ENOX2: variants seen among roughly 807,000 people sequenced by gnomAD.
The protein encoded by ENOX2 is APK1 antigen.
ENOX2 carries 36 observed loss-of-function variants against 45.0 expected under a neutral mutation model. The observed-to-expected ratio is 0.80, with a 90% confidence interval of 0.61 to 1.06. The LOEUF (loss-of-function observed/expected upper bound fraction) is 1.06, where lower values mean the gene tolerates loss of function less well. Among genes scored for constraint, ENOX2 ranks in the 50% least tolerant of loss-of-function variants. The pLI is 0.00. For missense variants in ENOX2, 423 were observed against 462.5 expected, an observed-to-expected ratio of 0.91 and a Z score of 0.78; for synonymous variants, 174 against 152.3, an observed-to-expected ratio of 1.14 and a Z score of -1.05.
intron 13 of ENOX2, among the ~76,000 whole-genome samples, chrX:130,629,928 G>A (rs748031587): frequency 1.5e-4 from 17 of 112,168 alleles, no homozygotes; most frequent in Non-Finnish European, 2.3e-4. Flanking sequence ...AGTGTAATAT[G>A]TTTTCTACTT....
At chrX:130,844,275 C>T (rs192289368) in intron 2 of ENOX2, among the ~76,000 whole-genome samples, 2 of 111,863 alleles carry the variant, frequency 1.8e-5, no homozygotes, top group Non-Finnish European at 3.8e-5. Context: ...TCCCTCCACC[C>T]GCTTCCCTAC....
At chrX:130,875,594 G>C (rs2078683396) in intron 2 of ENOX2, among the ~76,000 whole-genome samples, 1 of 111,710 alleles carries the variant, frequency 9.0e-6, no homozygotes, top group African/African-American at 3.2e-5. Context: ...TGGGACATTT[G>C]GATATCCAGG....
At position 130,823,958 on chromosome X, in the gene ENOX2, T is replaced by C. The variant is rs140388913; in HGVS notation, c.-182-40268A>G. On this transcript the variant is annotated intron_variant, in intron 2 of 14. Coordinates refer to ENST00000394363, the MANE Select transcript of ENOX2 (RefSeq NM_006375.4). ...AATTGGAAAAATTCTTAATGAACATTTGAAATCATTAGAATACATTTAACT... is the reference window on the plus strand; with the variant it reads ...AATTGGAAAAATTCTTAATGAACATCTGAAATCATTAGAATACATTTAACT... Among the ~76,000 whole-genome samples the C allele has an allele frequency of 1.2e-4, 13 of 112,226 alleles. No individual in the cohort carries two copies. In the East Asian group the frequency reaches 2.8e-3, roughly 24 times the overall value.
chrX:130,636,340 G>A (rs1484640667), intron 11 of ENOX2, among the ~76,000 whole-genome samples: 1 of 112,575 alleles, frequency 8.9e-6, no homozygotes, highest in Non-Finnish European at 1.9e-5. Context: ...GGTTCCTAGT[G>A]CCAGAATAGA....
At chrX:130,747,808 C>T (rs1033518495) in intron 3 of ENOX2, among the ~76,000 whole-genome samples, 1 of 112,413 alleles carries the variant, frequency 8.9e-6, no homozygotes, top group African/African-American at 3.2e-5. Context: ...TCTACCAAGT[C>T]CCCAGTTTGG....
chrX:130,679,847 T>C lies in ENOX2; in HGVS notation c.254-99A>G, dbSNP rs1356763685. The C allele has an allele frequency of 6.4e-6, 4 of 629,254 alleles. No individual in the cohort carries two copies. The Admixed American group carries it at 1.1e-4, about 17-fold the overall frequency. The allele number at this position is 629,254 out of a possible 1,213,427, so 51.9% of individuals were successfully genotyped here. A position where few individuals can be genotyped will look rare whatever the true frequency, so the allele number is the denominator to read the frequency against. On this transcript the variant is annotated intron_variant, in intron 5 of 14. Coordinates refer to ENST00000394363, the MANE Select transcript of ENOX2 (RefSeq NM_006375.4). ...CCCTGCTATCCCTGTCAAACTTTTG[T>C]CTAAGAGTGTCAGAAGGATGTGGCC...
intron 2 of ENOX2, among the ~76,000 whole-genome samples, chrX:130,879,278 TAGTC>T (rs1305383637): frequency 8.9e-6 from 1 of 111,924 alleles, no homozygotes; most frequent in East Asian, 2.8e-4. Context: ...TACAACCCCT[TAGTC>T]AGAAGCCCTC....
intron 7 of ENOX2, among the ~76,000 whole-genome samples, chrX:130,668,800 T>C (rs1288389279): frequency 8.9e-6 from 1 of 112,366 alleles, no homozygotes; most frequent in Non-Finnish European, 1.9e-5. Flanking sequence ...TACTTAGATA[T>C]AGACTTTATG....
chrX:130,885,345 C>T (rs2078882964), intron 2 of ENOX2, among the ~76,000 whole-genome samples: 1 of 110,944 alleles, frequency 9.0e-6, no homozygotes, highest in South Asian at 3.9e-4. Context: ...TAGATGGAGA[C>T]CTCAGGCCAG....
chrX:130,808,980 T>C (rs1427206982), intron 2 of ENOX2, among the ~76,000 whole-genome samples: 1 of 112,236 alleles, frequency 8.9e-6, no homozygotes, highest in African/African-American at 3.2e-5. Context: ...TAAAGACCAA[T>C]ACATTTTTAG....
chrX:130,646,496 C>T (rs948387491), intron 10 of ENOX2, among the ~76,000 whole-genome samples: 4 of 112,615 alleles, frequency 3.6e-5, no homozygotes, highest in Admixed American at 1.9e-4. Flanking sequence ...GCTTCATTCA[C>T]GACCTGGGCT....
At chrX:130,785,476 C>T (rs1381721930) in intron 2 of ENOX2, among the ~76,000 whole-genome samples, 1 of 111,690 alleles carries the variant, frequency 9.0e-6, no homozygotes, top group Non-Finnish European at 1.9e-5. Context: ...TGGAACTTGT[C>T]AAACATTCTT....
intron 2 of ENOX2, among the ~76,000 whole-genome samples, chrX:130,834,807 T>C (rs2077901910): frequency 1.8e-5 from 2 of 111,466 alleles, no homozygotes; most frequent in Admixed American, 9.5e-5. Flanking sequence ...TTATAAGAAA[T>C]TTCTCCATTT....
intron 3 of ENOX2, among the ~76,000 whole-genome samples, chrX:130,713,217 A>T (rs1209589284): frequency 9.0e-6 from 1 of 111,437 alleles, no homozygotes; most frequent in African/African-American, 3.3e-5. Context: ...CATGACTTTA[A>T]CCCTACTTCC....
chrX:130,874,334 G>A (rs1322477201), intron 2 of ENOX2, among the ~76,000 whole-genome samples: 6 of 112,127 alleles, frequency 5.4e-5, no homozygotes, highest in African/African-American at 6.5e-5. Flanking sequence ...AAGGTTCTGC[G>A]GATCAATTGA....
At chrX:130,640,425 T>C (rs1405336298) in intron 10 of ENOX2, among the ~76,000 whole-genome samples, 1 of 112,030 alleles carries the variant, frequency 8.9e-6, no homozygotes, top group Non-Finnish European at 1.9e-5. Context: ...GGAATATAAA[T>C]CATTGTATTA....
At chrX:130,743,141 C>T (rs772206986) in intron 3 of ENOX2, among the ~76,000 whole-genome samples, 44 of 110,913 alleles carry the variant, frequency 4.0e-4, no homozygotes, top group South Asian at 3.9e-4. Flanking sequence ...ACTACGAAAG[C>T]GGAACATAAT....
At chrX:130,883,968 G>T (rs1019418107) in intron 2 of ENOX2, among the ~76,000 whole-genome samples, 1 of 112,303 alleles carries the variant, frequency 8.9e-6, no homozygotes, top group Non-Finnish European at 1.9e-5. Flanking sequence ...TATTCAGAGT[G>T]CCTATTCCTA....
chrX:130,854,684 A>T (rs1403121240), intron 2 of ENOX2, among the ~76,000 whole-genome samples: 3 of 111,751 alleles, frequency 2.7e-5, no homozygotes, highest in Non-Finnish European at 3.8e-5. Context: ...GAAAAAAAAA[A>T]TTAGAATGAT....
Sources: allele counts gnomAD v4.1 joint callset (sites outside exome capture counted in the v4.1 genomes callset), GRCh38; gene constraint gnomAD v4.1.1; transcripts MANE v1.5; gene names NCBI Gene and HGNC (gene_info 2026-07-23, HGNC 2026-07-21).